Variants in GALNT17 observed in about 807,000 individuals in gnomAD.
GALNT17 encodes the protein UDP-GalNAc:polypeptide N-acetylgalactosaminyltransferase-like 3.
A neutral mutation model predicts 63.7 loss-of-function variants in GALNT17; 29 were observed. That is an observed-to-expected ratio of 0.46 (90% CI 0.34 to 0.62). The LOEUF is 0.62. Ranked by LOEUF, GALNT17 falls within the 20% of genes least tolerant of loss-of-function variation. GALNT17 has a pLI of 0.01. For missense variants in GALNT17, 603 were observed against 799.6 expected, an observed-to-expected ratio of 0.75 and a Z score of 2.97; for synonymous variants, 305 against 318.3, an observed-to-expected ratio of 0.96 and a Z score of 0.45.
chr7:71,626,218 T>C (rs1453765267), intron 6 of GALNT17, among the ~76,000 whole-genome samples: 1 of 140,962 alleles, frequency 7.1e-6, no homozygotes, highest in African/African-American at 2.6e-5. Flanking sequence ...CACTCCAGCC[T>C]GGCAACAGAG....
intron 1 of GALNT17, among the ~76,000 whole-genome samples, chr7:71,328,169 T>TA (rs1217124174): frequency 2.0e-5 from 3 of 152,204 alleles, no homozygotes; most frequent in Non-Finnish European, 4.4e-5. Context: ...TTCGAGTTCT[T>TA]ACCTAATAGT....
At chr7:71,690,370 A>G (rs1238125015) in intron 9 of GALNT17, among the ~76,000 whole-genome samples, 8 of 147,938 alleles carry the variant, frequency 5.4e-5, no homozygotes, top group African/African-American at 1.2e-4. Context: ...ACTTCTCAGA[A>G]AAAAAAAAAA....
Position 71,335,627 on chromosome 7 carries a change from G to C in GALNT17, c.316G>C (p.Ala106Pro), listed in dbSNP as rs1400128507. 1 of 1,612,814 alleles carries C rather than the reference G, an allele frequency of 6.2e-7. No homozygotes were observed. Among genetic ancestry groups the C allele is most frequent in the Admixed American group, 1.7e-5 (1 of 59,878 alleles). ...GGGCCTTCCGGCTACTCTTTCCCCG[G>C]CTGAAGAAGAAAAGGCTAAGGGACC... ...KGGLPATLSP[A>P]EEEKAKGPHE... is the part of the protein sequence containing the mutation. The change falls in exon 2 of 11, where the codon GCT (alanine) becomes CCT (proline). Residue 106 changes from alanine to proline, a missense_variant. Physicochemically the swap from Ala to Pro is conservative, Grantham distance 27 (BLOSUM62 -1). Transcript: ENST00000333538.
intron 1 of GALNT17, among the ~76,000 whole-genome samples, chr7:71,168,909 G>A (rs1012377661): frequency 2.0e-5 from 3 of 152,142 alleles, no homozygotes; most frequent in African/African-American, 7.2e-5. Context: ...TAAATGTATT[G>A]TTGAATTTGA....
At chr7:71,492,280 A>G (rs536300799) in intron 5 of GALNT17, among the ~76,000 whole-genome samples, 1 of 152,292 alleles carries the variant, frequency 6.6e-6, no homozygotes, top group East Asian at 1.9e-4. Flanking sequence ...TCCGTCTCAA[A>G]ATAAATAAAT....
intron 6 of GALNT17, among the ~76,000 whole-genome samples, chr7:71,626,269 C>T (rs2116980583): frequency 6.6e-6 from 1 of 150,942 alleles, no homozygotes; most frequent in East Asian, 2.0e-4. Context: ...GGGACACAGA[C>T]ACACACAAAG....
chr7:71,510,845 A>G (rs1788343991), intron 5 of GALNT17, among the ~76,000 whole-genome samples: 1 of 152,142 alleles, frequency 6.6e-6, no homozygotes, highest in African/African-American at 2.4e-5. Context: ...AGGTCAGGGT[A>G]TGCCTGTCTG....
chr7:71,682,113 G>A (rs1160264771), intron 9 of GALNT17, among the ~76,000 whole-genome samples: 1 of 151,916 alleles, frequency 6.6e-6, no homozygotes, highest in Non-Finnish European at 1.5e-5. Context: ...TTTCAGTAGT[G>A]ATGGTGTTTC....
At chr7:71,297,370 C>T (rs745983933) in intron 1 of GALNT17, among the ~76,000 whole-genome samples, 2 of 152,128 alleles carry the variant, frequency 1.3e-5, no homozygotes, top group Non-Finnish European at 2.9e-5. Context: ...ATGATGAAAC[C>T]CTGTCTCTAC....
intron 3 of GALNT17, among the ~76,000 whole-genome samples, chr7:71,402,893 A>G (rs1793264947): frequency 6.6e-6 from 1 of 152,136 alleles, no homozygotes; most frequent in Non-Finnish European, 1.5e-5. Context: ...ACACAGCTCC[A>G]TGCTTGGCCA....
intron 1 of GALNT17, among the ~76,000 whole-genome samples, chr7:71,255,624 G>A (rs143723703): frequency 1.9e-3 from 289 of 152,302 alleles, no homozygotes; most frequent in African/African-American, 6.8e-3. Context: ...CCTGGAAAAT[G>A]CTTGTGAGTT....
intron 1 of GALNT17, among the ~76,000 whole-genome samples, chr7:71,299,267 A>T (rs1239317933): frequency 6.6e-6 from 1 of 152,120 alleles, no homozygotes; most frequent in Non-Finnish European, 1.5e-5. Flanking sequence ...TTTCTCTTGG[A>T]TGGTGTTTTA....
intron 1 of GALNT17, among the ~76,000 whole-genome samples, chr7:71,258,549 T>C (rs1790328117): frequency 6.6e-6 from 1 of 152,230 alleles, no homozygotes; most frequent in Admixed American, 6.5e-5. Context: ...GTTTTCAGTC[T>C]GCTGATAGAC....
chr7:71,230,860 A>T (rs1479980285), intron 1 of GALNT17, among the ~76,000 whole-genome samples: 1 of 152,116 alleles, frequency 6.6e-6, no homozygotes, highest in Non-Finnish European at 1.5e-5. Flanking sequence ...TGTGCCCCAA[A>T]CCAACGTCGT....
At chr7:71,141,840 CTGTGTGTGTGTGTGTGTGTG>C (rs34121771) in intron 1 of GALNT17, among the ~76,000 whole-genome samples, 2 of 125,078 alleles carry the variant, frequency 1.6e-5, no homozygotes, top group African/African-American at 6.3e-5. Context: ...CCACGTCTGG[CTGTGTGTGTGTGTGTGTGTG>C]TGTGTGTGTG....
chr7:71,618,990 T>C (rs1441495537), intron 6 of GALNT17, among the ~76,000 whole-genome samples: 1 of 152,182 alleles, frequency 6.6e-6, no homozygotes, highest in Non-Finnish European at 1.5e-5. Flanking sequence ...TTTTTGTATA[T>C]GGTCAAAGAT....
intron 5 of GALNT17, among the ~76,000 whole-genome samples, chr7:71,450,533 A>G (rs1281974854): frequency 1.3e-5 from 2 of 152,238 alleles, no homozygotes; most frequent in Non-Finnish European, 2.9e-5. Context: ...TTGGTGAGAT[A>G]TAATTCACGT....
chr7:71,151,791 C>A (rs1208130990), intron 1 of GALNT17, among the ~76,000 whole-genome samples: 1 of 151,972 alleles, frequency 6.6e-6, no homozygotes, highest in East Asian at 1.9e-4. Context: ...TTATAAACAA[C>A]TAAATAATAT....
At chr7:71,233,917 C>T (rs1426017871) in intron 1 of GALNT17, among the ~76,000 whole-genome samples, 2 of 152,156 alleles carry the variant, frequency 1.3e-5, no homozygotes, top group Non-Finnish European at 2.9e-5. Context: ...GCAGGCACGT[C>T]TCACATGGCC....
Sources: gnomAD v4.1 joint callset for allele counts (sites outside exome capture counted in the v4.1 genomes callset) on GRCh38, gnomAD v4.1.1 for gene constraint, MANE v1.5 for transcripts, NCBI Gene and HGNC (gene_info 2026-07-23, HGNC 2026-07-21) for gene names.